KDM1B: variants seen among roughly 807,000 people sequenced by gnomAD.
The protein encoded by KDM1B is lysine demethylase 1B, also known as lysine-specific histone demethylase 2.
In KDM1B, 63 loss-of-function variants were observed where a neutral mutation model predicts 107.4. That is an observed-to-expected ratio of 0.59 (90% CI 0.48 to 0.72). The LOEUF (loss-of-function observed/expected upper bound fraction) is 0.72, where lower values mean the gene tolerates loss of function less well. Ranked by LOEUF, KDM1B falls within the 30% of genes least tolerant of loss-of-function variation. The probability of loss-of-function intolerance (pLI) is 0.00; values close to 1 mark genes in which losing one functional copy is unlikely to be tolerated. For missense variants in KDM1B, 749 were observed against 1,020.8 expected, an observed-to-expected ratio of 0.73 and a Z score of 3.63; for synonymous variants, 363 against 363.9, an observed-to-expected ratio of 1.00 and a Z score of 0.03.
Position 18,187,789 on chromosome 6 carries a change from C to G in KDM1B, c.574-3C>G. The stretch of plus-strand genomic sequence containing the variant: ...TCTCTTCTTCCTGTCTGGCCCATTG[C>G]AGAGAGTATTGGAAGTTTCCAACCA... On this transcript the variant is annotated splice_region_variant and splice_polypyrimidine_tract_variant and intron_variant, in intron 8 of 21. Transcript: ENST00000650836. The G allele has an allele frequency of 6.5e-7, 1 of 1,540,868 alleles. No individual in the cohort carries two copies. Among genetic ancestry groups the G allele is most frequent in the South Asian group, 1.2e-5 (1 of 83,824 alleles).
intron 17 of KDM1B, among the ~76,000 whole-genome samples, chr6:18,210,561 A>G (rs1788792165): frequency 6.6e-6 from 1 of 151,386 alleles, no homozygotes; most frequent in African/African-American, 2.4e-5. Context: ...GTGTTTCCCT[A>G]TGTTGTCCAG....
At position 18,159,036 on chromosome 6, in the gene KDM1B, C is replaced by T. The variant is rs111804470; in HGVS notation, c.-13-847C>T. Reference sequence around the variant, plus strand: ...AGGCTGGAGTGCAGTAGCACAATCTCGGCTCACTGCAACCTCCGCCTCCCT... The same window carrying T: ...AGGCTGGAGTGCAGTAGCACAATCTTGGCTCACTGCAACCTCCGCCTCCCT... On this transcript the variant is annotated intron_variant, in intron 2 of 21. Transcript: ENST00000650836. The surrounding 1 kb of genome is among the most constrained non-coding windows in gnomAD (Gnocchi z 4.5). Among the ~76,000 whole-genome samples, 1,509 of 152,216 alleles carry T rather than the reference C, an allele frequency of 9.9e-3. 28 individuals carry two copies. The highest frequency in any genetic ancestry group is 0.035 in the African/African-American group (1,442 of 41,518).
intron 5 of KDM1B, among the ~76,000 whole-genome samples, chr6:18,164,657 G>GTTTCT (rs948861586): frequency 2.6e-5 from 4 of 151,780 alleles, no homozygotes; most frequent in African/African-American, 7.3e-5. Context: ...TTTAGAGTAG[G>GTTTCT]TTTCTTTTCT....
intron 21 of KDM1B, among the ~76,000 whole-genome samples, chr6:18,219,519 TTTC>T (rs1193810412): frequency 1.3e-5 from 2 of 152,218 alleles, no homozygotes; most frequent in Non-Finnish European, 2.9e-5. Context: ...TTATGAGCAC[TTTC>T]TTGTTTGCAG....
rs777242091 is a variant in KDM1B, at chr6:18,220,776, C to CT, written c.2386-1120dup. Among the ~76,000 whole-genome samples the CT allele has an allele frequency of 3.3e-3, 477 of 142,480 alleles. 1 individual carries two copies. The highest frequency in any genetic ancestry group is 5.7e-3 in the African/African-American group (225 of 39,138). The allele number at this position is 142,480 out of a possible 152,430, so 93.5% of individuals were successfully genotyped here. A position where few individuals can be genotyped will look rare whatever the true frequency, so the allele number is the denominator to read the frequency against. ...GATGCGATTATTACCTCACCTTTTCCTTTTTTTTTTTTTGAGATGGAGTCT... is the reference window on the plus strand; with the variant it reads ...GATGCGATTATTACCTCACCTTTTCCTTTTTTTTTTTTTTGAGATGGAGTCT... On this transcript the variant is annotated intron_variant, in intron 21 of 21. Coordinates refer to ENST00000650836, the MANE Select transcript of KDM1B (RefSeq NM_001364614.2).
rs1788157619 is a variant in KDM1B, at chr6:18,203,192, G to T, written c.1531+1535G>T. Among the ~76,000 whole-genome samples, 1 of 152,126 alleles carries T rather than the reference G, an allele frequency of 6.6e-6. No individual in the cohort carries two copies. The highest frequency in any genetic ancestry group is 2.4e-5 in the African/African-American group (1 of 41,424). On this transcript the variant is annotated intron_variant, in intron 14 of 21. Transcript: ENST00000650836. This position sits in a 1 kb window ranked among gnomAD's most constrained non-coding sequence, Gnocchi z 5.5. ...CAGCTACTCAGGAGGTGAGAGGATC[G>T]CTTAAGTCCAGGAGTTAGAGACTGT...
intron 9 of KDM1B, among the ~76,000 whole-genome samples, chr6:18,189,772 C>T (rs1278924831): frequency 6.6e-6 from 1 of 152,056 alleles, no homozygotes; most frequent in Non-Finnish European, 1.5e-5. Flanking sequence ...AATGTAACTC[C>T]ACTACTGACA....
At position 18,191,243 on chromosome 6, in the gene KDM1B, G is replaced by A. The variant is rs1787266304; in HGVS notation, c.831G>A (p.Glu277=). Residue 277 remains glutamate (E), a synonymous_variant, in exon 10 of 22, where the codon GAG becomes GAA. Transcript: ENST00000650836. This position sits in a 1 kb window ranked among gnomAD's most constrained non-coding sequence, Gnocchi z 5.1. ...TCCAGCCTTTCTACCAGCCCAATGA[G>A]TGTGGCAAAGCCCTCTGTGTGAGGC... is the stretch of plus-strand genomic sequence containing the variant. ...RYFQPFYQPN[E]CGKALCVRPD... The A allele has an allele frequency of 1.5e-5, 24 of 1,550,516 alleles. No individual in the cohort carries two copies. Among genetic ancestry groups the A allele is most frequent in the Non-Finnish European group, 1.8e-5 (21 of 1,147,010 alleles).
chr6:18,208,480 G>GA (rs199684257), intron 17 of KDM1B, among the ~76,000 whole-genome samples: 1 of 149,866 alleles, frequency 6.7e-6, no homozygotes, highest in African/African-American at 2.5e-5. Context: ...AGTTGAACAA[G>GA]AAAAAAAATT....
chr6:18,164,046 C>T (rs1001811648), intron 5 of KDM1B, among the ~76,000 whole-genome samples: 24 of 152,170 alleles, frequency 1.6e-4, no homozygotes, highest in Admixed American at 1.2e-3. Flanking sequence ...GTCTTAAAGT[C>T]TGCAATTATA....
At chr6:18,177,758 T>G (rs1444305305) in intron 7 of KDM1B, among the ~76,000 whole-genome samples, 1 of 151,978 alleles carries the variant, frequency 6.6e-6, no homozygotes, top group African/African-American at 2.4e-5. Context: ...GCCATGCTCA[T>G]TCCTGCTCCT....
intron 20 of KDM1B, among the ~76,000 whole-genome samples, chr6:18,216,873 A>G (rs554357509): frequency 6.6e-6 from 1 of 152,222 alleles, no homozygotes; most frequent in African/African-American, 2.4e-5. Flanking sequence ...GAAAAAACAT[A>G]GTGTGTATAG....
Position 18,204,915 on chromosome 6 carries a change from C to T in KDM1B, c.1532-622C>T, listed in dbSNP as rs1466697055. On this transcript the variant is annotated intron_variant, in intron 14 of 21. Transcript: ENST00000650836. The surrounding 1 kb of genome is among the most constrained non-coding windows in gnomAD (Gnocchi z 4.9). ...CAGCAGAGCCTGCGAGTGGGCAGAT[C>T]GTAGCTGCTGCCTTTGGAAAGATTA... Among the ~76,000 whole-genome samples the T allele has an allele frequency of 6.6e-6, 1 of 152,198 alleles. No homozygotes were observed. The highest frequency in any genetic ancestry group is 1.5e-5 in the Non-Finnish European group (1 of 68,038).
intron 3 of KDM1B, among the ~76,000 whole-genome samples, chr6:18,161,003 C>G (rs1023478165): frequency 6.6e-6 from 1 of 151,932 alleles, no homozygotes; most frequent in Admixed American, 6.6e-5. Flanking sequence ...ATCCTTCCAC[C>G]TCAGCCACCC....
chr6:18,193,473 AT>A (rs201031871), intron 10 of KDM1B, among the ~76,000 whole-genome samples: 33 of 145,558 alleles, frequency 2.3e-4, no homozygotes, highest in South Asian at 4.3e-4. Context: ...TGCCCAGCTA[AT>A]TTTTTTTTTT....
In KDM1B at chr6:18,209,626, G is replaced by A. The variant is rs1474682205; in HGVS notation, c.1866+1420G>A. 1.3e-5 allele frequency among the ~76,000 whole-genome samples: 2 copies of A among 152,162 alleles called. No homozygotes were observed. The highest frequency in any genetic ancestry group is 4.8e-5 in the African/African-American group (2 of 41,442). ...CGCTTTTTTGTTTGTTTTTTTCAGA[G>A]ACAGGGTCTCAGTCTGTCGCCCAGG... On this transcript the variant is annotated intron_variant, in intron 17 of 21. Coordinates refer to ENST00000650836, the MANE Select transcript of KDM1B (RefSeq NM_001364614.2). The surrounding 1 kb of genome is among the most constrained non-coding windows in gnomAD (Gnocchi z 4.3).
At chr6:18,168,323 T>G (rs552660433) in intron 6 of KDM1B, among the ~76,000 whole-genome samples, 1 of 152,342 alleles carries the variant, frequency 6.6e-6, no homozygotes, top group African/African-American at 2.4e-5. Context: ...TATGGATTTA[T>G]CTATTTTGGA....
chr6:18,156,681 G>T lies in KDM1B; in HGVS notation c.-14+755G>T, dbSNP rs576366714. ...TTGAATTATTCAATATTGGGAGGCC[G>T]AGGTGGGCGATCACTTGAGGTCAGG... On this transcript the variant is annotated intron_variant, in intron 2 of 21. Transcript: ENST00000650836. Among the ~76,000 whole-genome samples the T allele has an allele frequency of 3.3e-5, 5 of 152,124 alleles. No individual in the cohort carries two copies. The East Asian group carries it at 7.7e-4, about 23-fold the overall frequency.
At chr6:18,199,078 GC>G (rs1561940393) in intron 12 of KDM1B, among the ~76,000 whole-genome samples, 1 of 151,334 alleles carries the variant, frequency 6.6e-6, no homozygotes, top group African/African-American at 2.4e-5. Flanking sequence ...TGCACCTGTG[GC>G]CCCAGGTATT....
Sources: gnomAD v4.1 joint callset for allele counts (sites outside exome capture counted in the v4.1 genomes callset) on GRCh38, gnomAD v4.1.1 for gene constraint, Gnocchi (gnomAD v3.1) non-coding constraint, MANE v1.5 for transcripts, NCBI Gene and HGNC (gene_info 2026-07-23, HGNC 2026-07-21) for gene names.